Variants in FBXO4 observed in about 807,000 individuals in gnomAD.
The protein encoded by FBXO4 is F-box protein 4.
In FBXO4, 36 loss-of-function variants were observed where a neutral mutation model predicts 43.7. The observed-to-expected ratio is 0.82, with a 90% CI of 0.63 to 1.09. The LOEUF (loss-of-function observed/expected upper bound fraction) is 1.09. Ranked by LOEUF, FBXO4 falls within the 50% of genes least tolerant of loss-of-function variation. FBXO4 has a pLI of 0.00. For synonymous variants in FBXO4, 180 were observed against 165.6 expected, an observed-to-expected ratio of 1.09 and a Z score of -0.67; for missense variants, 435 against 474.1, an observed-to-expected ratio of 0.92 and a Z score of 0.77.
the FBXO4 span, among the ~76,000 whole-genome samples, chr5:41,985,063 C>T: frequency 6.6e-6 from 1 of 152,176 alleles, no homozygotes; most frequent in South Asian, 2.1e-4. Flanking sequence ...GATTGGACAA[C>T]AAAATCCTCT....
At chr5:41,999,523 A>G in the FBXO4 span, among the ~76,000 whole-genome samples, 7 of 109,312 alleles carry the variant, frequency 6.4e-5, 1 homozygote, top group African/African-American at 2.7e-4. Context: ...ATATATATAT[A>G]CATATATATA....
At chr5:41,992,576 C>T in the FBXO4 span, among the ~76,000 whole-genome samples, 1 of 152,148 alleles carries the variant, frequency 6.6e-6, no homozygotes, top group Non-Finnish European at 1.5e-5. Flanking sequence ...TGCTTGGGGA[C>T]AGCAATGGTC....
chr5:42,014,930 C>A, the FBXO4 span, among the ~76,000 whole-genome samples: 1 of 152,066 alleles, frequency 6.6e-6, no homozygotes, highest in South Asian at 2.1e-4. Flanking sequence ...AGTTTTTCAT[C>A]ATAATGAAAA....
At chr5:41,964,578 TTTTCAAGCC>T in the FBXO4 span, among the ~76,000 whole-genome samples, 2 of 149,876 alleles carry the variant, frequency 1.3e-5, no homozygotes, top group Admixed American at 1.4e-4. Context: ...CACAAAATGA[TTTTCAAGCC>T]AAGTGTTTTT....
the FBXO4 span, among the ~76,000 whole-genome samples, chr5:41,973,094 T>C: frequency 5.3e-5 from 8 of 151,668 alleles, 1 homozygote; most frequent in Admixed American, 4.6e-4. Context: ...AACTAAAGAG[T>C]TACTGCACAG....
chr5:42,035,411 G>A, the FBXO4 span, among the ~76,000 whole-genome samples: 1 of 152,102 alleles, frequency 6.6e-6, no homozygotes, highest in Admixed American at 6.6e-5. Flanking sequence ...AGTTTTCAAA[G>A]GGAATGCTTC....
intron 2 of FBXO4, 34 bp downstream of exon 2, chr5:41,927,282 T>C: frequency 1.4e-6 from 2 of 1,473,734 alleles, no homozygotes; most frequent in Non-Finnish European, 1.8e-6. Context: ...AAAAAGAAGC[T>C]ATTAAATTTT....
At chr5:42,034,421 G>A in the FBXO4 span, among the ~76,000 whole-genome samples, 9 of 152,014 alleles carry the variant, frequency 5.9e-5, no homozygotes, top group South Asian at 2.1e-4. Flanking sequence ...TGACATTTTC[G>A]TCATGAAGTC....
the FBXO4 span, among the ~76,000 whole-genome samples, chr5:42,031,521 A>T: frequency 1.3e-5 from 2 of 151,708 alleles, no homozygotes; most frequent in Non-Finnish European, 2.9e-5. Flanking sequence ...ATGACGAGTT[A>T]ATGGGTGCAG....
chr5:41,986,297 A>G, the FBXO4 span, among the ~76,000 whole-genome samples: 5 of 152,026 alleles, frequency 3.3e-5, no homozygotes, highest in South Asian at 4.1e-4. Flanking sequence ...CCCATTTACC[A>G]AAAAGATTTA....
At chr5:41,932,485 A>C (rs965899230) in intron 3 of FBXO4, among the ~76,000 whole-genome samples, 2 of 152,228 alleles carry the variant, frequency 1.3e-5, no homozygotes, top group African/African-American at 4.8e-5. Flanking sequence ...ATGGTATGGC[A>C]TAGCTTATTT....
At chr5:41,954,162 C>T in the FBXO4 span, among the ~76,000 whole-genome samples, 6 of 150,712 alleles carry the variant, frequency 4.0e-5, no homozygotes, top group Middle Eastern at 3.4e-3. Context: ...ATTTTTTTTT[C>T]GAATACTACA....
the FBXO4 span, among the ~76,000 whole-genome samples, chr5:41,956,638 T>C: frequency 6.6e-6 from 1 of 151,978 alleles, no homozygotes; most frequent in African/African-American, 2.4e-5. Flanking sequence ...CATTGTTCTG[T>C]TTCTTACAAT....
the FBXO4 span, among the ~76,000 whole-genome samples, chr5:42,028,821 A>C: frequency 2.1e-4 from 32 of 152,012 alleles, no homozygotes; most frequent in Middle Eastern, 3.4e-3. Flanking sequence ...CTAAAAAAAA[A>C]CCAACTCTAT....
At chr5:42,025,081 T>G in the FBXO4 span, among the ~76,000 whole-genome samples, 2 of 151,806 alleles carry the variant, frequency 1.3e-5, no homozygotes, top group African/African-American at 4.8e-5. Context: ...ATGGGATTGC[T>G]GGATCATATG....
chr5:42,010,993 A>G, the FBXO4 span, among the ~76,000 whole-genome samples: 4 of 152,120 alleles, frequency 2.6e-5, no homozygotes, highest in African/African-American at 9.7e-5. Flanking sequence ...CGTTATCTAC[A>G]TTAGGTATTT....
At chr5:41,944,691 A>G (rs1477769061), downstream of FBXO4, among the ~76,000 whole-genome samples, 2 of 152,200 alleles carry the variant, frequency 1.3e-5, no homozygotes, top group East Asian at 3.8e-4. Context: ...CGTTCCCACT[A>G]TATATATGCC....
the FBXO4 span, chr5:41,967,247 C>T: frequency 2.0e-6 from 1 of 487,952 alleles, no homozygotes; most frequent in Non-Finnish European, 4.1e-6. Context: ...TTGCCACTGT[C>T]ATAGGGCCAA....
intron 1 of FBXO4, 91 bp from the exon 2 acceptor site, chr5:41,926,922 T>A: frequency 1.4e-6 from 1 of 699,760 alleles, no homozygotes; most frequent in Non-Finnish European, 2.4e-6. Flanking sequence ...TCAGTTGACC[T>A]TTTGTTATTT....
Sources: gnomAD v4.1 joint callset for allele counts (sites outside exome capture counted in the v4.1 genomes callset) on GRCh38, gnomAD v4.1.1 for gene constraint, MANE v1.5 for transcripts, NCBI Gene and HGNC (gene_info 2026-07-23, HGNC 2026-07-21) for gene names.